The following STAU2 variants were observed in gnomAD, a reference collection of about 807,000 sequenced individuals.
The protein encoded by STAU2 is staufen double-stranded RNA binding protein 2, also known as double-stranded RNA-binding protein Staufen homolog 2.
STAU2 carries 20 observed loss-of-function variants against 65.9 expected under a neutral mutation model. The ratio of observed to expected loss-of-function variants is 0.30; its 90% CI spans 0.21 to 0.44. The LOEUF (loss-of-function observed/expected upper bound fraction) is 0.44, where lower values mean the gene tolerates loss of function less well. STAU2 is among the 20% of genes least tolerant of loss of function. The probability of loss-of-function intolerance (pLI) is 1.00; values close to 1 mark genes in which losing one functional copy is unlikely to be tolerated. For synonymous variants in STAU2, 232 were observed against 233.9 expected, an observed-to-expected ratio of 0.99 and a Z score of 0.07; for missense variants, 558 against 683.9, an observed-to-expected ratio of 0.82 and a Z score of 2.05.
intron 13 of STAU2, among the ~76,000 whole-genome samples, chr8:73,520,668 C>T (rs376697005): frequency 1.7e-3 from 260 of 152,186 alleles, no homozygotes; most frequent in African/African-American, 6.0e-3. Context: ...ATGTCTTTGC[C>T]CAGGACACAA....
chr8:73,566,892 AT>A (rs1180467937), intron 12 of STAU2, among the ~76,000 whole-genome samples: 1 of 152,238 alleles, frequency 6.6e-6, no homozygotes, highest in Non-Finnish European at 1.5e-5. Context: ...CCAACCTGAG[AT>A]TCAGAACATC....
At chr8:73,716,445 A>G (rs1245049328) in intron 3 of STAU2, among the ~76,000 whole-genome samples, 4 of 152,192 alleles carry the variant, frequency 2.6e-5, no homozygotes, top group Non-Finnish European at 5.9e-5. Context: ...AAACAGAAAA[A>G]TAATGCTCAA....
intron 12 of STAU2, among the ~76,000 whole-genome samples, chr8:73,579,077 T>A (rs1474933597): frequency 1.4e-5 from 2 of 143,272 alleles, no homozygotes; most frequent in African/African-American, 2.6e-5. Context: ...CAATGTCATA[T>A]CACTGGGACA....
intron 6 of STAU2, among the ~76,000 whole-genome samples, chr8:73,655,398 C>T (rs1816276421): frequency 6.6e-6 from 1 of 152,094 alleles, no homozygotes; most frequent in Admixed American, 6.6e-5. Context: ...AAATTTTACA[C>T]CAGCTGTATC....
chr8:73,732,234 G>C (rs1388817389), intron 3 of STAU2, among the ~76,000 whole-genome samples: 2 of 152,180 alleles, frequency 1.3e-5, no homozygotes, highest in East Asian at 3.8e-4. Context: ...CTCCCCATCG[G>C]GCCATTCACA....
At chr8:73,532,465 A>AT (rs1401967042) in intron 13 of STAU2, among the ~76,000 whole-genome samples, 1 of 151,870 alleles carries the variant, frequency 6.6e-6, no homozygotes, top group Non-Finnish European at 1.5e-5. Flanking sequence ...ACAGGGGAGG[A>AT]TCCCTTGAGC....
intron 13 of STAU2, among the ~76,000 whole-genome samples, chr8:73,429,966 T>C (rs1201997875): frequency 6.6e-6 from 1 of 152,224 alleles, no homozygotes; most frequent in Non-Finnish European, 1.5e-5. Flanking sequence ...CAGCCCTGGG[T>C]TGACTTCCGA....
At chr8:73,657,456 A>T (rs1190556014) in intron 6 of STAU2, among the ~76,000 whole-genome samples, 1 of 152,244 alleles carries the variant, frequency 6.6e-6, no homozygotes, top group African/African-American at 2.4e-5. Context: ...TAATAAAAAT[A>T]CTACATAGCA....
upstream of STAU2, chr8:73,747,382 C>G (rs963431725): frequency 6.5e-7 from 1 of 1,535,416 alleles, no homozygotes; most frequent in East Asian, 2.4e-5. Context: ...ATTCCCCGCT[C>G]GTACCTTTCC....
chr8:73,536,878 T>C (rs1252910615), intron 13 of STAU2, among the ~76,000 whole-genome samples: 2 of 152,142 alleles, frequency 1.3e-5, no homozygotes, highest in Non-Finnish European at 2.9e-5. Context: ...ACTCAAAATG[T>C]CCAAAATTCA....
intron 13 of STAU2, among the ~76,000 whole-genome samples, chr8:73,458,372 G>T (rs1563604142): frequency 6.6e-6 from 1 of 152,148 alleles, no homozygotes; most frequent in Non-Finnish European, 1.5e-5. Context: ...TTCATTTAAT[G>T]TACAAACACC....
chr8:73,687,468 AATAT>A (rs1212973377), intron 5 of STAU2, among the ~76,000 whole-genome samples: 1 of 135,244 alleles, frequency 7.4e-6, no homozygotes, highest in African/African-American at 2.7e-5. Flanking sequence ...TATAAAATAA[AATAT>A]ATATAATTAT....
intron 13 of STAU2, chr8:73,438,787 C>G (rs147211049): frequency 1.0e-4 from 38 of 369,796 alleles, no homozygotes; most frequent in Non-Finnish European, 1.9e-4. Flanking sequence ...GGGTTAGGCC[C>G]GCTAACGGGG....
At chr8:73,733,155 C>G (rs911612377) in intron 3 of STAU2, among the ~76,000 whole-genome samples, 1 of 151,992 alleles carries the variant, frequency 6.6e-6, no homozygotes, top group Non-Finnish European at 1.5e-5. Context: ...TTCAGTTAGG[C>G]CTTAAAGCTT....
chr8:73,734,837 A>G (rs1806321388), intron 3 of STAU2, among the ~76,000 whole-genome samples: 1 of 152,184 alleles, frequency 6.6e-6, no homozygotes, highest in Non-Finnish European at 1.5e-5. Context: ...GTATTTTAAG[A>G]AAACAAAAGC....
At chr8:73,688,568 C>G in intron 5 of STAU2, 86 bp downstream of exon 5, 1 of 1,452,118 alleles carries the variant, frequency 6.9e-7, no homozygotes. Flanking sequence ...TACTTGCTCA[C>G]TCTGTTACTA....
At chr8:73,512,236 T>C (rs1190260751) in intron 13 of STAU2, among the ~76,000 whole-genome samples, 1 of 152,180 alleles carries the variant, frequency 6.6e-6, no homozygotes, top group African/African-American at 2.4e-5. Flanking sequence ...TCTGGTCTCT[T>C]TGCATTTCCA....
intron 13 of STAU2, among the ~76,000 whole-genome samples, chr8:73,500,988 G>T (rs1462958856): frequency 6.6e-6 from 1 of 151,828 alleles, no homozygotes. Flanking sequence ...TATAACAGCA[G>T]TCTTCGAAGG....
rs1193489348 is a variant in STAU2, at chr8:73,552,033, T to C, written c.1509A>G (p.Leu503=). 6.4e-7 allele frequency: 1 copy of C among 1,572,122 alleles called. No homozygotes were observed. The highest frequency in any genetic ancestry group is 8.6e-7 in the Non-Finnish European group (1 of 1,161,700). The change falls in exon 13 of 15, where the codon TTA becomes TTG. Residue 503 remains leucine, a synonymous_variant. Transcript: ENST00000524300. ...PVQPSKQLEY[L]ARIQGFQAAL... ...ATACCTGAAAGCCTTGAATCCTTGC[T>C]AAATATTCCAGTTGTTTTGAAGGTT...
Sources: gnomAD v4.1 joint callset for allele counts (sites outside exome capture counted in the v4.1 genomes callset) on GRCh38, gnomAD v4.1.1 for gene constraint, MANE v1.5 for transcripts, NCBI Gene and HGNC (gene_info 2026-07-23, HGNC 2026-07-21) for gene names.